The following SPG11 variants were observed in gnomAD, a reference collection of about 807,000 sequenced individuals.
SPG11 encodes spatacsin.
SPG11 carries 222 observed loss-of-function variants against 274.0 expected under a neutral mutation model. That is an observed-to-expected ratio of 0.81 (90% CI 0.73 to 0.91). SPG11 has a LOEUF of 0.91. SPG11 is among the 40% of genes least tolerant of loss of function. The pLI is 0.00. For synonymous variants in SPG11, 1,144 were observed against 1,039.7 expected, an observed-to-expected ratio of 1.10 and a Z score of -1.93; for missense variants, 3,114 against 2,872.7, an observed-to-expected ratio of 1.08 and a Z score of -1.92.
intron 26 of SPG11, among the ~76,000 whole-genome samples, chr15:44,594,579 G>A (rs1309345680): frequency 1.5e-5 from 2 of 133,730 alleles, no homozygotes; most frequent in African/African-American, 5.6e-5. Flanking sequence ...GCAAAACCCT[G>A]TCTCTATTAA....
intron 30 of SPG11, among the ~76,000 whole-genome samples, chr15:44,582,275 C>T (rs766189280): frequency 3.9e-5 from 6 of 151,970 alleles, no homozygotes; most frequent in South Asian, 4.2e-4. Context: ...AGGCCGGGCA[C>T]GGTGGCTCAA....
At chr15:44,578,442 A>G (rs2082591528) in intron 30 of SPG11, among the ~76,000 whole-genome samples, 1 of 152,026 alleles carries the variant, frequency 6.6e-6, no homozygotes, top group African/African-American at 2.4e-5. Flanking sequence ...AGGAATAGTC[A>G]GGGTAGTGCA....
At chr15:44,621,968 A>AT in intron 13 of SPG11, 34 bp from the exon 14 acceptor site, 1 of 1,514,532 alleles carries the variant, frequency 6.6e-7, no homozygotes, top group South Asian at 1.2e-5. Flanking sequence ...TTTTTTTTTA[A>AT]TTTTGGAGAA....
intron 30 of SPG11, among the ~76,000 whole-genome samples, chr15:44,580,082 A>AT (rs2082629396): frequency 6.6e-6 from 1 of 152,224 alleles, no homozygotes; most frequent in Admixed American, 6.5e-5. Context: ...ATTTAAAAAA[A>AT]TTTTTTAAAT....
chr15:44,603,019 A>C (rs2140987961), intron 20 of SPG11, among the ~76,000 whole-genome samples: 1 of 152,090 alleles, frequency 6.6e-6, no homozygotes, highest in East Asian at 1.9e-4. Flanking sequence ...TCTGTTCACC[A>C]AAGCCAACTC....
At chr15:44,565,155 G>T (rs914969164) in intron 38 of SPG11, among the ~76,000 whole-genome samples, 11 of 152,128 alleles carry the variant, frequency 7.2e-5, no homozygotes, top group Admixed American at 2.6e-4. Context: ...CTTCTTTAAA[G>T]GGCTAGAACC....
At chr15:44,604,567 C>A (rs181873001) in intron 20 of SPG11, among the ~76,000 whole-genome samples, 3 of 152,246 alleles carry the variant, frequency 2.0e-5, no homozygotes, top group East Asian at 3.9e-4. Flanking sequence ...TCTTACATCC[C>A]TGTTCAGTGG....
intron 32 of SPG11, 147 bp downstream of exon 32, chr15:44,573,395 ATTTTG>A (rs1288374243): frequency 1.6e-5 from 12 of 772,070 alleles, no homozygotes; most frequent in Non-Finnish European, 2.5e-5. Flanking sequence ...TAAAGCATGT[ATTTTG>A]TTTTATTTAA....
intron 8 of SPG11, among the ~76,000 whole-genome samples, chr15:44,632,317 G>A (rs933888708): frequency 1.3e-5 from 2 of 152,072 alleles, no homozygotes; most frequent in African/African-American, 4.8e-5. Context: ...GCCTAGTACA[G>A]CTCACACCAA....
intron 6 of SPG11, among the ~76,000 whole-genome samples, chr15:44,650,705 A>G (rs939779407): frequency 1.3e-5 from 2 of 152,000 alleles, no homozygotes; most frequent in Non-Finnish European, 1.5e-5. Flanking sequence ...GCTCCAACCC[A>G]TAAGTTACTA....
intron 8 of SPG11, among the ~76,000 whole-genome samples, chr15:44,632,517 ATTT>A (rs544008892): frequency 9.1e-5 from 13 of 142,732 alleles, no homozygotes; most frequent in African/African-American, 2.8e-4. Flanking sequence ...GTCTGGGTGA[ATTT>A]TTTTTTTTTT....
chr15:44,579,859 T>C (rs1434572486), intron 30 of SPG11, among the ~76,000 whole-genome samples: 1 of 152,152 alleles, frequency 6.6e-6, no homozygotes, highest in Non-Finnish European at 1.5e-5. Context: ...AGCTGAAAAA[T>C]TCCTATCACC....
At chr15:44,609,591 C>A (rs570223006) in intron 18 of SPG11, among the ~76,000 whole-genome samples, 2 of 152,196 alleles carry the variant, frequency 1.3e-5, no homozygotes, top group East Asian at 3.9e-4. Context: ...AATTACTAAG[C>A]CACAGATCTA....
intron 30 of SPG11, among the ~76,000 whole-genome samples, chr15:44,582,430 C>A (rs2082675186): frequency 6.6e-6 from 1 of 152,148 alleles, no homozygotes; most frequent in Non-Finnish European, 1.5e-5. Context: ...CGCCTGTAAT[C>A]CCAGCTATTC....
intron 7 of SPG11, among the ~76,000 whole-genome samples, chr15:44,641,618 C>CAT (rs2084443749): frequency 6.6e-6 from 1 of 150,618 alleles, no homozygotes; most frequent in Admixed American, 6.6e-5. Flanking sequence ...CACACACACA[C>CAT]ACACACACAC....
At chr15:44,570,839 CA>C (rs1219902988) in intron 33 of SPG11, among the ~76,000 whole-genome samples, 181 bp from the exon 34 acceptor site, 3 of 152,174 alleles carry the variant, frequency 2.0e-5, no homozygotes. Flanking sequence ...CCCTTGATGA[CA>C]TCCAAATCAT....
intron 38 of SPG11, among the ~76,000 whole-genome samples, 165 bp downstream of exon 38, chr15:44,565,689 G>GAA (rs2082292927): frequency 6.6e-6 from 1 of 152,320 alleles, no homozygotes; most frequent in South Asian, 2.1e-4. Context: ...ATACTAGAGA[G>GAA]AAATACATCA....
intron 30 of SPG11, 84 bp from the exon 31 acceptor site, chr15:44,575,125 T>C: frequency 6.5e-7 from 1 of 1,546,130 alleles, no homozygotes; most frequent in Non-Finnish European, 8.8e-7. Flanking sequence ...CCTCTCTGCT[T>C]GAAGCTCCCT....
At chr15:44,598,599 A>G (rs1301219352) in intron 22 of SPG11, 32 bp downstream of exon 22, 1 of 1,602,534 alleles carries the variant, frequency 6.2e-7, no homozygotes. Context: ...CACCTTCTCT[A>G]AACAAAGCAG....
Sources: gnomAD v4.1 joint callset for allele counts (sites outside exome capture counted in the v4.1 genomes callset) on GRCh38, gnomAD v4.1.1 for gene constraint, MANE v1.5 for transcripts, NCBI Gene and HGNC (gene_info 2026-07-23, HGNC 2026-07-21) for gene names.